MYO5B: variants seen among roughly 807,000 people sequenced by gnomAD.
MYO5B encodes the protein myosin VB.
MYO5B carries 143 observed loss-of-function variants against 229.3 expected under a neutral mutation model. The ratio of observed to expected loss-of-function variants is 0.62; its 90% CI spans 0.54 to 0.72. The LOEUF (loss-of-function observed/expected upper bound fraction) is 0.72, where lower values mean the gene tolerates loss of function less well. Among genes scored for constraint, MYO5B ranks in the 30% least tolerant of loss-of-function variants. The probability of loss-of-function intolerance (pLI) is 0.00; values close to 1 mark genes in which losing one functional copy is unlikely to be tolerated. For missense variants in MYO5B, 2,321 were observed against 2,331.0 expected, an observed-to-expected ratio of 1.00 and a Z score of 0.09; for synonymous variants, 918 against 885.2, an observed-to-expected ratio of 1.04 and a Z score of -0.66.
chr18:49,864,014 A>ACCC, intron 28 of MYO5B, 127 bp downstream of exon 28: 1 of 1,401,098 alleles, frequency 7.1e-7, no homozygotes, highest in Non-Finnish European at 9.7e-7. Context: ...TTTGGAGGAG[A>ACCC]CCCCACAGCG....
At position 49,879,074 on chromosome 18, in the gene MYO5B, G is replaced by C. The variant is rs61737445; in HGVS notation, c.3147C>G (p.Asn1049Lys). 10 of 1,614,010 alleles carry C rather than the reference G, an allele frequency of 6.2e-6. No individual in the cohort carries two copies. The African/African-American group carries it at 1.2e-4, about 19-fold the overall frequency. ...TCTTCATGAGATTTTCCTTCACAGAGTTCTGGGCAAATTCATCTGGAAAGC... is the reference window on the plus strand; with the variant it reads ...TCTTCATGAGATTTTCCTTCACAGACTTCTGGGCAAATTCATCTGGAAAGC... ...LCQSKDEFAQ[N>K]SVKENLMKKE... is the part of the protein sequence containing the mutation. Residue 1049 changes from asparagine (N) to lysine (K), a missense_variant, in exon 24 of 40, where the codon AAC (asparagine) becomes AAG (lysine). Coordinates refer to ENST00000285039, the MANE Select transcript of MYO5B (RefSeq NM_001080467.3).
Position 49,839,129 on chromosome 18 carries a change from C to T in MYO5B, c.4852+15G>A. 1 of 1,612,586 alleles carries T rather than the reference C, an allele frequency of 6.2e-7. No homozygotes were observed. The highest frequency in any genetic ancestry group is 8.5e-7 in the Non-Finnish European group (1 of 1,179,936). On this transcript the variant is annotated intron_variant, in intron 36 of 39. Transcript: ENST00000285039. ...CACCATGATGAGTGATGTAGCTCTC[C>T]TGCTGCCAGCTTACCTATCATCGGC... is the stretch of plus-strand genomic sequence containing the variant.
At chr18:50,074,896 C>T (rs1047787857) in intron 1 of MYO5B, among the ~76,000 whole-genome samples, 3 of 152,130 alleles carry the variant, frequency 2.0e-5, no homozygotes, top group African/African-American at 7.2e-5. Context: ...TCTCAGCTCA[C>T]TGCAGCCTCT....
chr18:49,958,339 C>T (rs1318636101), intron 12 of MYO5B, among the ~76,000 whole-genome samples: 8 of 152,346 alleles, frequency 5.3e-5, no homozygotes, highest in Admixed American at 4.6e-4. Context: ...ACAATCTGCG[C>T]ACTCTGCAAT....
intron 12 of MYO5B, 53 bp downstream of exon 12, chr18:49,962,213 C>T (rs2025567312): frequency 1.2e-6 from 2 of 1,606,272 alleles, no homozygotes; most frequent in Admixed American, 1.7e-5. Flanking sequence ...ATGTGATTTC[C>T]TTGTATCACA....
At chr18:50,121,071 T>G (rs552745464) in intron 1 of MYO5B, among the ~76,000 whole-genome samples, 1 of 152,186 alleles carries the variant, frequency 6.6e-6, no homozygotes, top group Non-Finnish European at 1.5e-5. Context: ...ATATCTGAGA[T>G]GCTTTCCCTT....
intron 4 of MYO5B, among the ~76,000 whole-genome samples, chr18:50,022,879 C>T (rs751913279): frequency 2.0e-5 from 3 of 152,148 alleles, no homozygotes; most frequent in Non-Finnish European, 2.9e-5. Flanking sequence ...AGGGAATCCC[C>T]GGACCAGACT....
chr18:49,974,619 TGGGAGATGG>T lies in MYO5B; in HGVS notation c.1057-13_1057-5del, dbSNP rs767088103. On this transcript the variant is annotated splice_region_variant and splice_polypyrimidine_tract_variant and intron_variant, in intron 9 of 39. Coordinates refer to ENST00000285039, the MANE Select transcript of MYO5B (RefSeq NM_001080467.3). ...TGCTTAGGTATACATCCTGGGGCTGTGGGAGATGGGGGAGATAGGTTCAGGAGGAGTGTG... is the reference window on the plus strand; with the variant it reads ...TGCTTAGGTATACATCCTGGGGCTGTGGGAGATAGGTTCAGGAGGAGTGTG... 1.7e-5 allele frequency: 28 copies of T among 1,612,626 alleles called. No homozygotes were observed. The highest frequency in any genetic ancestry group is 1.6e-4 in the Middle Eastern group (1 of 6,084).
At chr18:50,160,091 G>A (rs547898399) in intron 1 of MYO5B, among the ~76,000 whole-genome samples, 58 of 152,320 alleles carry the variant, frequency 3.8e-4, no homozygotes, top group Admixed American at 1.2e-3. Context: ...CACGCACAAC[G>A]TACCACAGTC....
At chr18:49,896,384 A>G (rs972393787) in intron 21 of MYO5B, among the ~76,000 whole-genome samples, 4 of 152,156 alleles carry the variant, frequency 2.6e-5, no homozygotes, top group Admixed American at 1.3e-4. Context: ...AAATCCAATC[A>G]AGCAGATTCT....
chr18:50,182,180 T>C (rs777081673), intron 1 of MYO5B, among the ~76,000 whole-genome samples: 6 of 152,208 alleles, frequency 3.9e-5, no homozygotes, highest in African/African-American at 7.2e-5. Context: ...AGGCAAAAAC[T>C]ATGAGTACTG....
intron 14 of MYO5B, 56 bp downstream of exon 14, chr18:49,953,204 G>T: frequency 1.3e-6 from 2 of 1,530,678 alleles, no homozygotes; most frequent in African/African-American, 1.4e-5. Context: ...ACCACTCCCT[G>T]TCCAGCACTG....
chr18:50,144,132 C>A (rs1202739031), intron 1 of MYO5B, among the ~76,000 whole-genome samples: 2 of 152,056 alleles, frequency 1.3e-5, no homozygotes, highest in Non-Finnish European at 2.9e-5. Context: ...TTCTGCCCCA[C>A]CCCCCTTAGA....
At chr18:49,983,154 T>TGC (rs1357100755) in intron 8 of MYO5B, among the ~76,000 whole-genome samples, 1 of 152,236 alleles carries the variant, frequency 6.6e-6, no homozygotes, top group Admixed American at 6.5e-5. Context: ...CCCTTTGCCC[T>TGC]GCTTTATCAA....
chr18:50,035,440 A>G (rs2026437952), intron 4 of MYO5B, among the ~76,000 whole-genome samples: 1 of 152,158 alleles, frequency 6.6e-6, no homozygotes, highest in Non-Finnish European at 1.5e-5. Context: ...CTGTTCTCAC[A>G]TGAAGTGCAT....
chr18:49,875,763 C>T lies in MYO5B; in HGVS notation c.3461G>A (p.Arg1154Gln), dbSNP rs371387703. 30 of 1,614,046 alleles carry T rather than the reference C, an allele frequency of 1.9e-5. No homozygotes were observed. The highest frequency in any genetic ancestry group is 1.6e-4 in the East Asian group (7 of 44,888). ...TVFLKLQKRV[R>Q]ELEQERKKLQ... ...CTTTTTCCTCTCCTGCTCCAGCTCC[C>T]GTACTCTCTTCTGCAGCTTCAGGAA... is the stretch of plus-strand genomic sequence containing the variant. The change falls in exon 26 of 40, where the codon CGG becomes CAG. Residue 1154 changes from arginine to glutamine, a missense_variant. Arg to Gln is a conservative substitution (Grantham distance 43, BLOSUM62 1). Transcript: ENST00000285039.
chr18:49,831,793 C>T (rs1012424404), intron 39 of MYO5B, among the ~76,000 whole-genome samples: 3 of 152,174 alleles, frequency 2.0e-5, no homozygotes, highest in Non-Finnish European at 4.4e-5. Flanking sequence ...ATCTCAGCTC[C>T]TTGTGCAACA....
rs1313986445 is a variant in MYO5B, at chr18:49,912,177, G to C, written c.2091-4C>G. On this transcript the variant is annotated splice_region_variant and splice_polypyrimidine_tract_variant and intron_variant, in intron 17 of 39. Transcript: ENST00000285039. Reference sequence around the variant, plus strand: ...GAAAAAGTCATGGTAGGCCCACCTGGAGGGAAAGCAAAGGGGCATCAGGTG... The same window carrying C: ...GAAAAAGTCATGGTAGGCCCACCTGCAGGGAAAGCAAAGGGGCATCAGGTG... The C allele has an allele frequency of 1.2e-6, 2 of 1,612,730 alleles. No homozygotes were observed. Among genetic ancestry groups the C allele is most frequent in the East Asian group, 4.5e-5 (2 of 44,866 alleles).
Position 50,061,244 on chromosome 18 carries a change from T to C in MYO5B, c.28-5866A>G, listed in dbSNP as rs570195651. 2.1e-4 allele frequency among the ~76,000 whole-genome samples: 32 copies of C among 152,328 alleles called. No individual in the cohort carries two copies. The South Asian group carries it at 6.4e-3, about 31-fold the overall frequency. On this transcript the variant is annotated intron_variant, in intron 1 of 39. Transcript: ENST00000285039. Reference sequence around the variant, plus strand: ...TAGCTTGTGTAAGTTGATGAATGGGTCTGAGCCCCAGTTTCCTTAGCTGAA... The same window carrying C: ...TAGCTTGTGTAAGTTGATGAATGGGCCTGAGCCCCAGTTTCCTTAGCTGAA...
Sources: gnomAD v4.1 joint callset for allele counts (sites outside exome capture counted in the v4.1 genomes callset) on GRCh38, gnomAD v4.1.1 for gene constraint, MANE v1.5 for transcripts, NCBI Gene and HGNC (gene_info 2026-07-23, HGNC 2026-07-21) for gene names.